HDAC9: variants seen among roughly 807,000 people sequenced by gnomAD.
HDAC9 encodes the protein MEF-2 interacting transcription repressor (MITR) protein.
HDAC9 carries 41 observed loss-of-function variants against 139.4 expected under a neutral mutation model. That is an observed-to-expected ratio of 0.29 (90% CI 0.23 to 0.38). The LOEUF is 0.38. HDAC9 is among the 10% of genes least tolerant of loss of function. The pLI, the probability that HDAC9 is intolerant of heterozygous loss-of-function variation, is 1.00. For synonymous variants in HDAC9, 517 were observed against 476.2 expected, an observed-to-expected ratio of 1.09 and a Z score of -1.12; for missense variants, 1,147 against 1,297.0, an observed-to-expected ratio of 0.88 and a Z score of 1.78.
chr7:18,995,491 AT>A (rs1786391629), intron 25 of HDAC9, among the ~76,000 whole-genome samples: 1 of 152,236 alleles, frequency 6.6e-6, no homozygotes, highest in Non-Finnish European at 1.5e-5. Context: ...ACCATAGTGC[AT>A]TTCTTGTAAA....
chr7:18,531,401 C>A (rs1017814338), intron 2 of HDAC9, among the ~76,000 whole-genome samples: 1 of 152,010 alleles, frequency 6.6e-6, no homozygotes, highest in Non-Finnish European at 1.5e-5. Flanking sequence ...ACATAAACTG[C>A]AGGAAATTGT....
At chr7:18,215,524 G>T (rs1420197467) in intron 2 of HDAC9, among the ~76,000 whole-genome samples, 1 of 152,162 alleles carries the variant, frequency 6.6e-6, no homozygotes, top group Non-Finnish European at 1.5e-5. Flanking sequence ...CCATGTGAAG[G>T]ATTGGTAGCT....
intron 2 of HDAC9, among the ~76,000 whole-genome samples, chr7:18,280,015 A>C (rs189396907): frequency 1.3e-5 from 2 of 152,250 alleles, no homozygotes; most frequent in Non-Finnish European, 2.9e-5. Flanking sequence ...TTAAAAAGCA[A>C]ATAAAAAGAA....
intron 2 of HDAC9, among the ~76,000 whole-genome samples, chr7:18,530,707 G>A (rs1258392683): frequency 1.3e-5 from 2 of 151,448 alleles, no homozygotes; most frequent in Admixed American, 1.3e-4. Context: ...GCTTCCTGAG[G>A]GATTTCCCCC....
intron 13 of HDAC9, among the ~76,000 whole-genome samples, 161 bp downstream of exon 13, chr7:18,727,918 G>GCA (rs1785688844): frequency 6.6e-6 from 1 of 152,184 alleles, no homozygotes; most frequent in Non-Finnish European, 1.5e-5. Context: ...AAGACAAACA[G>GCA]CACATCTGAT....
chr7:18,989,591 A>G (rs2129348448), intron 25 of HDAC9, among the ~76,000 whole-genome samples: 1 of 150,870 alleles, frequency 6.6e-6, no homozygotes, highest in South Asian at 2.1e-4. Context: ...CTGAATCTGA[A>G]TGTTGGCCTG....
At chr7:18,632,270 A>C (rs1782587200) in intron 7 of HDAC9, among the ~76,000 whole-genome samples, 1 of 152,102 alleles carries the variant, frequency 6.6e-6, no homozygotes, top group South Asian at 2.1e-4. Context: ...AAATGTGTTT[A>C]AGTATTTTAT....
At chr7:18,331,169 T>C (rs1451728137) in intron 1 of HDAC9, among the ~76,000 whole-genome samples, 4 of 151,596 alleles carry the variant, frequency 2.6e-5, no homozygotes, top group Non-Finnish European at 5.9e-5. Flanking sequence ...TCTTAGCTTT[T>C]GTTTTAATTG....
intron 2 of HDAC9, among the ~76,000 whole-genome samples, chr7:18,257,115 T>G (rs1584878076): frequency 1.4e-5 from 1 of 72,548 alleles, no homozygotes; most frequent in South Asian, 7.3e-4. Flanking sequence ...TGTGTGTGCA[T>G]GTATGTGTGT....
At chr7:18,201,950 C>A (rs541548923) in intron 2 of HDAC9, among the ~76,000 whole-genome samples, 3 of 152,164 alleles carry the variant, frequency 2.0e-5, no homozygotes, top group African/African-American at 7.2e-5. Context: ...GCTCAGAATA[C>A]TTCCCAGTAA....
rs1836387037 is a variant in HDAC9 at position 18,609,187 on chromosome 7, T to G, written c.664+15158T>G. Among the ~76,000 whole-genome samples, 4 of 152,320 alleles carry G rather than the reference T, an allele frequency of 2.6e-5. No individual in the cohort carries two copies. The South Asian group carries it at 6.2e-4, about 24-fold the overall frequency. On this transcript the variant is annotated intron_variant, in intron 6 of 25. Coordinates refer to ENST00000686413, the MANE Select transcript of HDAC9 (RefSeq NM_178425.4). ...CTTTGAAAATAGTATGGACCAGCAC[T>G]GCCAAATATAATTTGATGGAAGAGT...
intron 1 of HDAC9, among the ~76,000 whole-genome samples, chr7:18,465,364 C>A (rs1196272492): frequency 1.3e-5 from 2 of 151,708 alleles, no homozygotes; most frequent in South Asian, 2.1e-4. Flanking sequence ...TTTGATATTG[C>A]TTTTTATGTT....
At chr7:18,170,205 G>T (rs181006135) in intron 2 of HDAC9, among the ~76,000 whole-genome samples, 20 of 152,312 alleles carry the variant, frequency 1.3e-4, no homozygotes, top group African/African-American at 4.8e-4. Flanking sequence ...TTTCTCTGAT[G>T]ACCAGTGATG....
At chr7:18,540,976 C>G (rs1812627777) in intron 2 of HDAC9, among the ~76,000 whole-genome samples, 2 of 151,980 alleles carry the variant, frequency 1.3e-5, no homozygotes, top group South Asian at 4.1e-4. Flanking sequence ...ATGTAATGTG[C>G]CTAAGATCAT....
chr7:18,621,913 A>G (rs1840317804), intron 6 of HDAC9, among the ~76,000 whole-genome samples: 2 of 152,204 alleles, frequency 1.3e-5, no homozygotes, highest in South Asian at 4.1e-4. Flanking sequence ...TCATAACTGT[A>G]GTGATTACTG....
At chr7:18,740,210 A>G (rs1584951498) in intron 13 of HDAC9, among the ~76,000 whole-genome samples, 1 of 151,852 alleles carries the variant, frequency 6.6e-6, no homozygotes, top group Non-Finnish European at 1.5e-5. Flanking sequence ...AAATCCCCCA[A>G]CCCCTTGTGC....
chr7:18,416,317 A>C (rs1789060743), intron 1 of HDAC9, among the ~76,000 whole-genome samples: 1 of 152,014 alleles, frequency 6.6e-6, no homozygotes, highest in Non-Finnish European at 1.5e-5. Context: ...AAAAAACAAC[A>C]ACAAAAAAAG....
intron 16 of HDAC9, among the ~76,000 whole-genome samples, chr7:18,780,503 T>G (rs2588603): frequency 6.6e-6 from 1 of 151,688 alleles, no homozygotes; most frequent in Admixed American, 6.6e-5. Flanking sequence ...CAGTTGTTGT[T>G]GGATGATTCA....
intron 22 of HDAC9, among the ~76,000 whole-genome samples, chr7:18,875,987 A>G (rs569079308): frequency 1.3e-5 from 2 of 152,252 alleles, no homozygotes; most frequent in Admixed American, 1.3e-4. Flanking sequence ...AGAAGAGAGG[A>G]GTGTCTATGT....
Sources: allele counts gnomAD v4.1 joint callset (sites outside exome capture counted in the v4.1 genomes callset), GRCh38; gene constraint gnomAD v4.1.1; transcripts MANE v1.5; gene names NCBI Gene and HGNC (gene_info 2026-07-23, HGNC 2026-07-21).